The following FGF2 variants were observed in gnomAD, a reference collection of about 807,000 sequenced individuals.
FGF2 encodes the protein fibroblast growth factor 2.
Under a neutral mutation model 15.9 loss-of-function variants are expected in FGF2, and 13 were observed. The observed-to-expected ratio is 0.82, with a 90% confidence interval of 0.53 to 1.30. The LOEUF (loss-of-function observed/expected upper bound fraction) is 1.30, where lower values mean the gene tolerates loss of function less well. FGF2 is among the 50% of genes most tolerant of loss of function. The pLI is 0.00. For missense variants in FGF2, 163 were observed against 196.9 expected, an observed-to-expected ratio of 0.83 and a Z score of 1.03; for synonymous variants, 90 against 78.4, an observed-to-expected ratio of 1.15 and a Z score of -0.78.
intron 1 of FGF2, among the ~76,000 whole-genome samples, chr4:122,854,312 T>G (rs942847235): frequency 6.6e-6 from 1 of 152,198 alleles, no homozygotes; most frequent in Non-Finnish European, 1.5e-5. Context: ...AAACACAATA[T>G]TTTTGTGAAA....
chr4:122,859,688 A>C (rs1473578205), intron 1 of FGF2, among the ~76,000 whole-genome samples: 1 of 152,134 alleles, frequency 6.6e-6, no homozygotes, highest in Non-Finnish European at 1.5e-5. Flanking sequence ...AAGATCTATA[A>C]CAACTGTTTC....
intron 1 of FGF2, among the ~76,000 whole-genome samples, chr4:122,835,506 C>T (rs1725847907): frequency 2.0e-5 from 3 of 152,114 alleles, no homozygotes; most frequent in Admixed American, 2.0e-4. Flanking sequence ...ATAGCTTCAA[C>T]TTAACATACA....
intron 1 of FGF2, among the ~76,000 whole-genome samples, chr4:122,874,421 T>C (rs1301321472): frequency 6.6e-6 from 1 of 152,238 alleles, no homozygotes; most frequent in African/African-American, 2.4e-5. Context: ...GCTTAAATGA[T>C]GCAATGCTTT....
At chr4:122,879,390 G>C (rs1286756108) in intron 2 of FGF2, among the ~76,000 whole-genome samples, 1 of 152,214 alleles carries the variant, frequency 6.6e-6, no homozygotes, top group Non-Finnish European at 1.5e-5. Flanking sequence ...GCTACTGTCA[G>C]ACAGTGAGGG....
chr4:122,895,326 C>T lies in FGF2; in HGVS notation c.*2930C>T, dbSNP rs1194278069. On this transcript the variant is annotated 3_prime_UTR_variant, in exon 3 of 3. Coordinates refer to ENST00000644866, the MANE Select transcript of FGF2 (RefSeq NM_001361665.2). ...CTAAGAGGTTTTGTTTTTATTTTTG[C>T]TGATGAAGAGATATGTTTAAATATG... 2.0e-5 allele frequency: 3 copies of T among 151,954 alleles called. No homozygotes were observed. Among genetic ancestry groups the T allele is most frequent in the African/African-American group, 7.3e-5 (3 of 41,356 alleles). The allele number at this position is 151,954 out of a possible 1,614,324, so 9.4% of individuals were successfully genotyped here. A position where few individuals can be genotyped will look rare whatever the true frequency, so the allele number is the denominator to read the frequency against.
In FGF2 at chr4:122,897,546, T is replaced by G; in HGVS notation, c.*5150T>G. The G allele has an allele frequency of 9.5e-7, 1 of 1,047,534 alleles. No homozygotes were observed. The highest frequency in any genetic ancestry group is 1.3e-5 in the South Asian group (1 of 75,998). The allele number at this position is 1,047,534 out of a possible 1,614,324, so 64.9% of individuals were successfully genotyped here. A position where few individuals can be genotyped will look rare whatever the true frequency, so the allele number is the denominator to read the frequency against. ...AATTGGAAAATTTAAATTTTTATTC[T>G]TAGCTATAAAGCAAGAAAGTAAACA... is the stretch of plus-strand genomic sequence containing the variant. On this transcript the variant is annotated 3_prime_UTR_variant, in exon 3 of 3. Coordinates refer to ENST00000644866, the MANE Select transcript of FGF2 (RefSeq NM_001361665.2).
At position 122,844,634 on chromosome 4, in the gene FGF2, CCTTTCTTT is replaced by C. The variant is rs928580690; in HGVS notation, c.178+17291_178+17298del. Among the ~76,000 whole-genome samples, 32 of 122,914 alleles carry C rather than the reference CCTTTCTTT, an allele frequency of 2.6e-4. No individual in the cohort carries two copies. The East Asian group carries it at 2.8e-3, about 11-fold the overall frequency. 80.6% of individuals were successfully genotyped at this position (122,914 alleles called of 152,430 possible). ...TCCTTCCTTTCTTTCTTCCTTTCTT[CCTTTCTTT>C]CTTTCTTTTTTTTTGACTGGGACCT... On this transcript the variant is annotated intron_variant, in intron 1 of 2. Transcript: ENST00000644866.
chr4:122,842,906 C>T (rs1450139634), intron 1 of FGF2, among the ~76,000 whole-genome samples: 1 of 152,058 alleles, frequency 6.6e-6, no homozygotes, highest in Non-Finnish European at 1.5e-5. Flanking sequence ...CTTTGTAACT[C>T]ACCTTAAATA....
intron 2 of FGF2, among the ~76,000 whole-genome samples, chr4:122,878,898 G>A (rs1322267495): frequency 6.6e-6 from 1 of 152,148 alleles, no homozygotes; most frequent in Non-Finnish European, 1.5e-5. Flanking sequence ...AAAGAGCAAG[G>A]TTTGGGAAAA....
At chr4:122,862,075 G>A (rs541649088) in intron 1 of FGF2, among the ~76,000 whole-genome samples, 1 of 152,120 alleles carries the variant, frequency 6.6e-6, no homozygotes, top group Non-Finnish European at 1.5e-5. Context: ...CAACCATGCT[G>A]TATGTTCCTT....
intron 1 of FGF2, chr4:122,840,637 T>A: frequency 5.3e-6 from 1 of 190,364 alleles, no homozygotes. Flanking sequence ...AATACCCCGA[T>A]CCCGATTTAG....
At chr4:122,828,175 G>A (rs562465477) in intron 1 of FGF2, among the ~76,000 whole-genome samples, 1 of 152,194 alleles carries the variant, frequency 6.6e-6, no homozygotes, top group Non-Finnish European at 1.5e-5. Context: ...AAGAACACTG[G>A]CCTAAATAAG....
At chr4:122,848,560 C>T (rs541911783) in intron 1 of FGF2, among the ~76,000 whole-genome samples, 1 of 152,286 alleles carries the variant, frequency 6.6e-6, no homozygotes, top group Non-Finnish European at 1.5e-5. Context: ...TGCTCCAAAG[C>T]ACCCCCTACT....
rs17006188 is a variant in FGF2 at position 122,849,027 on chromosome 4, C to T, written c.178+21675C>T. Among the ~76,000 whole-genome samples the T allele has an allele frequency of 9.7e-3, 1,471 of 152,294 alleles. 28 individuals carry two copies. The highest frequency in any genetic ancestry group is 0.033 in the African/African-American group (1,382 of 41,570). ...TTGCTTCCTGGACAACTGGCTCTTC[C>T]GGACTGGGTCTCTTGGTCTATCCTT... On this transcript the variant is annotated intron_variant, in intron 1 of 2. Transcript: ENST00000644866.
Position 122,892,266 on chromosome 4 carries a change from A to G in FGF2, c.338A>G (p.Asn113Ser). The change falls in exon 3 of 3, where the codon AAT becomes AGT. Residue 113 changes from asparagine (N) to serine (S), a missense_variant. Transcript: ENST00000644866. ...GAACGATTGGAATCTAATAACTACA[A>G]TACTTACCGGTCAAGGAAATACACC... ...FFERLESNNY[N>S]TYRSRKYTSW... 1 of 1,613,882 alleles carries G rather than the reference A, an allele frequency of 6.2e-7. No homozygotes were observed. Among genetic ancestry groups the G allele is most frequent in the Non-Finnish European group, 8.5e-7 (1 of 1,179,762 alleles).
At chr4:122,828,834 C>G (rs377248302) in intron 1 of FGF2, among the ~76,000 whole-genome samples, 19,235 of 152,108 alleles carry the variant, frequency 0.13, 1,507 homozygotes, top group South Asian at 0.24. Flanking sequence ...GTAACTTGAA[C>G]TCATCTATTT....
chr4:122,869,391 A>T (rs965538454), intron 1 of FGF2, among the ~76,000 whole-genome samples: 30 of 152,210 alleles, frequency 2.0e-4, no homozygotes, highest in Admixed American at 6.5e-5. Context: ...TGGTAGTTTG[A>T]TGGGAATAGC....
At chr4:122,880,075 A>C (rs562992784) in intron 2 of FGF2, among the ~76,000 whole-genome samples, 62 of 152,288 alleles carry the variant, frequency 4.1e-4, no homozygotes, top group African/African-American at 1.5e-3. Context: ...GAGACAAGGC[A>C]AGTCCCTTCT....
At chr4:122,832,819 T>G (rs960672631) in intron 1 of FGF2, among the ~76,000 whole-genome samples, 7 of 152,226 alleles carry the variant, frequency 4.6e-5, no homozygotes, top group Non-Finnish European at 8.8e-5. Flanking sequence ...TATCCACTGT[T>G]CAGTTAGCTC....
Sources: gnomAD v4.1 joint callset for allele counts (sites outside exome capture counted in the v4.1 genomes callset) on GRCh38, gnomAD v4.1.1 for gene constraint, MANE v1.5 for transcripts, NCBI Gene and HGNC (gene_info 2026-07-23, HGNC 2026-07-21) for gene names.